Variants in TNS1 observed in about 807,000 individuals in gnomAD.
The protein encoded by TNS1 is tensin 1, also known as tensin-1.
In TNS1, 62 loss-of-function variants were observed where a neutral mutation model predicts 168.6. The ratio of observed to expected loss-of-function variants is 0.37; its 90% confidence interval spans 0.30 to 0.45. TNS1 has a LOEUF of 0.45. TNS1 is among the 20% of genes least tolerant of loss of function. The pLI is 1.00. For synonymous variants in TNS1, 934 were observed against 933.2 expected (o/e 1.00, Z -0.02); for missense variants, 2,240 against 2,339.4 (o/e 0.96, Z 0.88).
At chr2:217,903,755 T>G in intron 6 of TNS1, 2 of 724,034 alleles carry the variant, frequency 2.8e-6, no homozygotes. Context: ...CAACTCTTTT[T>G]GCCTTGGTCC....
intron 4 of TNS1, among the ~76,000 whole-genome samples, chr2:217,910,398 A>C (rs1260691174): frequency 1.3e-5 from 2 of 152,048 alleles, no homozygotes; most frequent in African/African-American, 2.4e-5. Context: ...GCCAGCATGC[A>C]TGCTGCCCGA....
Position 217,809,969 on chromosome 2 carries a change from G to A in TNS1, c.5127C>T (p.Asn1709=). The change falls in exon 30 of 33, where the codon AAC becomes AAT. Residue 1709 remains asparagine, a synonymous_variant. Coordinates refer to ENST00000682258, the MANE Select transcript of TNS1 (RefSeq NM_001387777.1). ...CAGTGAGTGACTCCATGTCCACAGA[G>A]TTGACGAAGAGCACATTGCAGGCTG... is the stretch of plus-strand genomic sequence containing the variant. ...QGAACNVLFV[N]SVDMESLTGP... 1 of 1,612,296 alleles carries A rather than the reference G, an allele frequency of 6.2e-7. No individual in the cohort carries two copies. Among genetic ancestry groups the A allele is most frequent in the Non-Finnish European group, 8.5e-7 (1 of 1,178,668 alleles).
intron 4 of TNS1, among the ~76,000 whole-genome samples, chr2:217,914,509 GTTTTGT>G (rs774759979): frequency 6.6e-6 from 1 of 152,074 alleles, no homozygotes; most frequent in Non-Finnish European, 1.5e-5. Context: ...GGGTTTTTTT[GTTTTGT>G]TTTTGTTTTT....
At chr2:217,959,322 CCTTAGCATGGAACCTGGTAT>C (rs1395952121) in intron 3 of TNS1, among the ~76,000 whole-genome samples, 1 of 151,946 alleles carries the variant, frequency 6.6e-6, no homozygotes, top group Non-Finnish European at 1.5e-5. Flanking sequence ...TAGCATGGAA[CCTTAGCATGGAACCTGGTAT>C]CTTAGCATGG....
chr2:217,998,684 C>T (rs1958510965), intron 1 of TNS1, among the ~76,000 whole-genome samples: 1 of 152,168 alleles, frequency 6.6e-6, no homozygotes, highest in African/African-American at 2.4e-5. Flanking sequence ...ATTTTTCGTA[C>T]AGACATGGTC....
Position 218,033,137 on chromosome 2 carries a change from C to G in TNS1, c.156+683G>C, listed in dbSNP as rs1958912512. 6.6e-6 allele frequency among the ~76,000 whole-genome samples: 1 copy of G among 152,130 alleles called. No homozygotes were observed. Among genetic ancestry groups the G allele is most frequent in the South Asian group, 2.1e-4 (1 of 4,828 alleles). On this transcript the variant is annotated intron_variant, in intron 1 of 1. Coordinates refer to the TNS1 transcript ENST00000649572. This position sits in a 1 kb window ranked among gnomAD's most constrained non-coding sequence, Gnocchi z 4.3. ...CAGCGAGTCCTGAGGTCACAGGGAC[C>G]TAGAGAGGAGTTACCCATCCCTGGT...
rs1466951991 is a variant in TNS1 at position 217,862,474 on chromosome 2, G to A, written c.1430-13387C>T. On this transcript the variant is annotated intron_variant, in intron 18 of 32. Transcript: ENST00000682258. Reference sequence around the variant, plus strand: ...CATAAAACACAAGTTCTAGAGGTAGGAGGGTGGGTCTGGATACCTTCTGGA... The same window carrying A: ...CATAAAACACAAGTTCTAGAGGTAGAAGGGTGGGTCTGGATACCTTCTGGA... Among the ~76,000 whole-genome samples, 6 of 152,304 alleles carry A rather than the reference G, an allele frequency of 3.9e-5. No homozygotes were observed. In the East Asian group the frequency reaches 1.2e-3, roughly 29 times the overall value.
intron 22 of TNS1, among the ~76,000 whole-genome samples, chr2:217,826,175 G>A (rs551563713): frequency 1.2e-4 from 18 of 152,234 alleles, no homozygotes; most frequent in African/African-American, 4.1e-4. Context: ...GGAGATGAAC[G>A]AAGCCCTTCC....
At chr2:217,841,094 A>G (rs1038511880) in intron 19 of TNS1, 3 of 406,012 alleles carry the variant, frequency 7.4e-6, no homozygotes, top group African/African-American at 6.6e-5. Context: ...AGAAGGTGGG[A>G]AAGATTTGGA....
Position 217,900,515 on chromosome 2 carries a change from G to A in TNS1, c.322-3C>T, listed in dbSNP as rs1175271401. 4 of 1,535,742 alleles carry A rather than the reference G, an allele frequency of 2.6e-6. No individual in the cohort carries two copies. In the South Asian group the frequency reaches 4.8e-5, roughly 18 times the overall value. On this transcript the variant is annotated splice_region_variant and splice_polypyrimidine_tract_variant and intron_variant, in intron 6 of 32. Transcript: ENST00000682258. ...CTCGGGGTGACCCTGGTGGAGCCCTGGGAAGGAGAGAAGAGAAGCAGCATT... is the reference window on the plus strand; with the variant it reads ...CTCGGGGTGACCCTGGTGGAGCCCTAGGAAGGAGAGAAGAGAAGCAGCATT...
Position 217,849,045 on chromosome 2 carries a change from T to C in TNS1, c.1472A>G (p.Tyr491Cys), listed in dbSNP as rs773534997. The stretch of plus-strand genomic sequence containing the variant: ...GGAGTCTTTCTTCTTCACCTTAGCA[T>C]ACAGGCTCCCATCTAGTGGCCCCTG... ...HTQGPLDGSL[Y>C]AKVKKKDSLH... The change falls in exon 19 of 33, where the codon TAT becomes TGT. Residue 491 changes from tyrosine to cysteine, a missense_variant. Around this residue, in one of 2 missense-constraint regions of TNS1, gnomAD observed 2,131 missense variants for 2,171.2 expected, o/e 0.98. Coordinates refer to ENST00000682258, the MANE Select transcript of TNS1 (RefSeq NM_001387777.1). 20 of 1,613,272 alleles carry C rather than the reference T, an allele frequency of 1.2e-5. No homozygotes were observed. Among genetic ancestry groups the C allele is most frequent in the Non-Finnish European group, 1.7e-5 (20 of 1,179,826 alleles).
chr2:217,921,303 G>A (rs1421482777), intron 3 of TNS1, among the ~76,000 whole-genome samples: 1 of 152,160 alleles, frequency 6.6e-6, no homozygotes, highest in East Asian at 1.9e-4. Flanking sequence ...GGTTATCTGG[G>A]AACAAGCCAT....
intron 6 of TNS1, among the ~76,000 whole-genome samples, chr2:217,901,377 A>G (rs1182588021): frequency 7.9e-5 from 12 of 152,232 alleles, no homozygotes; most frequent in Admixed American, 7.8e-4. Flanking sequence ...ACTTCGCATC[A>G]TGCCTGGTAT....
At chr2:217,951,015 C>G (rs1425999777) in intron 3 of TNS1, among the ~76,000 whole-genome samples, 3 of 152,224 alleles carry the variant, frequency 2.0e-5, no homozygotes, top group Non-Finnish European at 2.9e-5. Context: ...TGGAAACTTC[C>G]CTCCTGAGGA....
chr2:217,838,146 T>C (rs1028669755), intron 19 of TNS1, among the ~76,000 whole-genome samples: 2 of 152,228 alleles, frequency 1.3e-5, no homozygotes, highest in Admixed American at 6.5e-5. Flanking sequence ...AGTTCCGGGC[T>C]CCTCTGCCCC....
At chr2:217,992,839 C>T (rs989171514) in intron 1 of TNS1, among the ~76,000 whole-genome samples, 2 of 152,146 alleles carry the variant, frequency 1.3e-5, no homozygotes, top group Non-Finnish European at 2.9e-5. Flanking sequence ...CAGAAGGACA[C>T]AGGAGCTCCC....
At chr2:217,946,986 C>A (rs1472291634) in intron 3 of TNS1, among the ~76,000 whole-genome samples, 2 of 151,438 alleles carry the variant, frequency 1.3e-5, no homozygotes, top group Admixed American at 1.3e-4. Flanking sequence ...CACACACACA[C>A]ACACACACAG....
At chr2:217,831,607 G>A (rs1391056705) in intron 21 of TNS1, 60 bp from the exon 22 acceptor site, 27 of 1,350,076 alleles carry the variant, frequency 2.0e-5, no homozygotes, top group East Asian at 8.6e-5. Context: ...GGGCAGACAC[G>A]CCAGGCACGT....
chr2:217,835,916 G>A (rs960124019), intron 20 of TNS1, 99 bp downstream of exon 20: 4 of 1,068,612 alleles, frequency 3.7e-6, no homozygotes, highest in East Asian at 2.4e-5. Flanking sequence ...AAATCACTGA[G>A]TATACTGATA....
Sources: allele counts gnomAD v4.1 joint callset (sites outside exome capture counted in the v4.1 genomes callset), GRCh38; gene constraint gnomAD v4.1.1; regional missense constraint gnomAD v4.1.1; non-coding constraint Gnocchi (gnomAD v3.1); transcripts MANE v1.5; gene names NCBI Gene and HGNC (gene_info 2026-07-23, HGNC 2026-07-21).